The following BCAT2 variants were observed in gnomAD, a reference collection of about 807,000 sequenced individuals.
The protein encoded by BCAT2 is branched chain amino acid transaminase 2, also known as branched-chain-amino-acid aminotransferase, mitochondrial.
In BCAT2, 44 loss-of-function variants were observed where a neutral mutation model predicts 52.9. That is an observed-to-expected ratio of 0.83 (90% CI 0.65 to 1.07). The LOEUF is 1.07. BCAT2 is among the 50% of genes least tolerant of loss of function. The probability of loss-of-function intolerance (pLI) is 0.00; values close to 1 mark genes in which losing one functional copy is unlikely to be tolerated. For synonymous variants in BCAT2, 215 were observed against 217.1 expected (o/e 0.99, Z 0.08); for missense variants, 478 against 521.8 (o/e 0.92, Z 0.82).
chr19:48,795,568 G>T (rs776227143), intron 10 of BCAT2, 104 bp from the exon 11 acceptor site: 10 of 1,358,604 alleles, frequency 7.4e-6, no homozygotes, highest in South Asian at 1.2e-5. Flanking sequence ...TGCCCCAGCG[G>T]CTCACGGGAA....
chr19:48,795,579 A>G, intron 10 of BCAT2, 115 bp from the exon 11 acceptor site: 1 of 1,226,134 alleles, frequency 8.2e-7, no homozygotes, highest in Non-Finnish European at 1.2e-6. Flanking sequence ...CTCACGGGAA[A>G]TGTAGTCCAC....
chr19:48,807,666 G>A lies in BCAT2; in HGVS notation c.25-592C>T, dbSNP rs2034822060. 1.1e-6 allele frequency: 1 copy of A among 950,040 alleles called. No individual in the cohort carries two copies. Among genetic ancestry groups the A allele is most frequent in the Non-Finnish European group, 1.3e-6 (1 of 796,656 alleles). 58.9% of individuals were successfully genotyped at this position (950,040 alleles called of 1,614,324 possible). A position where few individuals can be genotyped will look rare whatever the true frequency, so the allele number is the denominator to read the frequency against. On this transcript the variant is annotated intron_variant, in intron 1 of 10. Transcript: ENST00000316273. This position sits in a 1 kb window ranked among gnomAD's most constrained non-coding sequence, Gnocchi z 4.6. ...CCCCACCCCTCCTCCCTCAGACCCA[G>A]GAGTCCAGTTCCCCAGCCCCTCCTC...
intron 1 of BCAT2, among the ~76,000 whole-genome samples, chr19:48,809,066 CAAAAAA>C (rs3057799): frequency 1.8e-3 from 53 of 28,954 alleles, no homozygotes; most frequent in African/African-American, 5.6e-3. Context: ...GAGTGTCTCT[CAAAAAA>C]AAAAAAAAAA....
chr19:48,810,323 C>T (rs2034891397), intron 1 of BCAT2, among the ~76,000 whole-genome samples: 1 of 152,098 alleles, frequency 6.6e-6, no homozygotes, highest in South Asian at 2.1e-4. Context: ...CACTGAGAAA[C>T]CTTGTTCTCT....
intron 6 of BCAT2, among the ~76,000 whole-genome samples, chr19:48,798,298 C>A (rs1599795298): frequency 6.6e-6 from 1 of 152,298 alleles, no homozygotes; most frequent in South Asian, 2.1e-4. Flanking sequence ...GTGAACTGGG[C>A]TACCTGGATG....
chr19:48,808,690 G>A (rs1433978722), intron 1 of BCAT2, among the ~76,000 whole-genome samples: 1 of 152,134 alleles, frequency 6.6e-6, no homozygotes, highest in Non-Finnish European at 1.5e-5. Context: ...AGGAGGCGGA[G>A]GTTGCAGTGA....
At position 48,795,421 on chromosome 19, in the gene BCAT2, C is replaced by T. The variant is rs1048393570; in HGVS notation, c.*5G>A. 36 of 1,613,822 alleles carry T rather than the reference C, an allele frequency of 2.2e-5. No individual in the cohort carries two copies. Among genetic ancestry groups the T allele is most frequent in the Non-Finnish European group, 2.9e-5 (34 of 1,179,996 alleles). ...GTCGGTGGATCTGGAGCACAGCCTG[C>T]AGCTTCACACCGGGAACATCCACTC... On this transcript the variant is annotated 3_prime_UTR_variant, in exon 11 of 11. Transcript: ENST00000316273.
intron 6 of BCAT2, among the ~76,000 whole-genome samples, chr19:48,798,551 C>A (rs191524653): frequency 6.6e-6 from 1 of 152,152 alleles, no homozygotes; most frequent in South Asian, 2.1e-4. Context: ...AAACAGTTTG[C>A]TGACTTTTGT....
Position 48,806,392 on chromosome 19 carries a change from ATGG to A in BCAT2, c.300+122_300+124del, listed in dbSNP as rs1413149451. 19 of 1,267,436 alleles carry A rather than the reference ATGG, an allele frequency of 1.5e-5. No homozygotes were observed. In the East Asian group the frequency reaches 4.7e-4, roughly 31 times the overall value. The allele number at this position is 1,267,436 out of a possible 1,614,324, so 78.5% of individuals were successfully genotyped here. On this transcript the variant is annotated intron_variant, in intron 3 of 10. Coordinates refer to ENST00000316273, the MANE Select transcript of BCAT2 (RefSeq NM_001190.4). ...GAGCATGGAAGGCCTCAGAAAACAA[ATGG>A]TGAATGCACAGAAAGGAGAAACACA...
chr19:48,810,701 G>A, intron 1 of BCAT2: 5 of 331,340 alleles, frequency 1.5e-5, no homozygotes, highest in South Asian at 5.7e-5. Flanking sequence ...CCACCCCCAC[G>A]CCTCCCTCAT....
Position 48,799,336 on chromosome 19 carries a change from G to A in BCAT2, c.695+339C>T, listed in dbSNP as rs909185734. ...GGGTATGGGGAGCGCAGCCCAGCCTGGGGGATCAGGGGAGGCTTCTGGGGC... is the reference window on the plus strand; with the variant it reads ...GGGTATGGGGAGCGCAGCCCAGCCTAGGGGATCAGGGGAGGCTTCTGGGGC... On this transcript the variant is annotated intron_variant, in intron 6 of 10. Coordinates refer to ENST00000316273, the MANE Select transcript of BCAT2 (RefSeq NM_001190.4). The surrounding 1 kb of genome is among the most constrained non-coding windows in gnomAD (Gnocchi z 5.5). 4 of 228,362 alleles carry A rather than the reference G, an allele frequency of 1.8e-5. No individual in the cohort carries two copies. Among genetic ancestry groups the A allele is most frequent in the African/African-American group, 4.5e-5 (2 of 44,012 alleles). 14.1% of individuals were successfully genotyped at this position (228,362 alleles called of 1,614,324 possible).
At chr19:48,804,810 T>C (rs1475228364) in intron 3 of BCAT2, among the ~76,000 whole-genome samples, 1 of 151,948 alleles carries the variant, frequency 6.6e-6, no homozygotes, top group Middle Eastern at 3.2e-3. Context: ...GAGAAGTGTG[T>C]GGTGGTCTCC....
Position 48,810,753 on chromosome 19 carries a change from T to TTA in BCAT2, c.24+230_24+231insTA, listed in dbSNP as rs1491582344. 9.5e-4 allele frequency: 932 copies of TTA among 984,608 alleles called. 10 individuals carry two copies. The African/African-American group carries it at 0.017, about 18-fold the overall frequency. The allele number at this position is 984,608 out of a possible 1,614,324, so 61.0% of individuals were successfully genotyped here. A position where few individuals can be genotyped will look rare whatever the true frequency, so the allele number is the denominator to read the frequency against. The stretch of plus-strand genomic sequence containing the variant: ...ATGTTTCCCTTTTTTTTTTTTTTTT[T>TTA]ACCTCCCCGCCAATTACTTGCCCCA... On this transcript the variant is annotated intron_variant, in intron 1 of 10. Coordinates refer to ENST00000316273, the MANE Select transcript of BCAT2 (RefSeq NM_001190.4).
At chr19:48,802,016 C>A (rs1162691152) in intron 3 of BCAT2, among the ~76,000 whole-genome samples, 1 of 151,768 alleles carries the variant, frequency 6.6e-6, no homozygotes, top group Non-Finnish European at 1.5e-5. Flanking sequence ...TGAGCTCAAG[C>A]AATCCCCCTG....
chr19:48,802,046 G>T (rs1261111437), intron 3 of BCAT2, among the ~76,000 whole-genome samples: 2 of 151,844 alleles, frequency 1.3e-5, no homozygotes, highest in East Asian at 3.9e-4. Flanking sequence ...CCCAGCCCCA[G>T]ATGAATTTTT....
At chr19:48,800,398 A>T in intron 3 of BCAT2, 101 bp from the exon 4 acceptor site, 2 of 1,078,878 alleles carry the variant, frequency 1.9e-6, no homozygotes, top group Non-Finnish European at 2.7e-6. Context: ...CAGACAACTG[A>T]AAGATGGAGG....
chr19:48,806,925 C>A, intron 2 of BCAT2, 75 bp downstream of exon 2: 1 of 1,533,024 alleles, frequency 6.5e-7, no homozygotes, highest in Middle Eastern at 1.7e-4. Context: ...GGGCTGTGGA[C>A]CTTTTGGAGA....
At chr19:48,798,045 A>G (rs1342857232) in intron 6 of BCAT2, among the ~76,000 whole-genome samples, 3 of 151,986 alleles carry the variant, frequency 2.0e-5, no homozygotes, top group Middle Eastern at 3.4e-3. Context: ...TGGGATTACA[A>G]GAGTGAGCCA....
chr19:48,800,180 C>A lies in BCAT2; in HGVS notation c.411+7G>T. The A allele has an allele frequency of 6.2e-7, 1 of 1,613,198 alleles. No homozygotes were observed. The stretch of plus-strand genomic sequence containing the variant: ...CCTCCCCACCCCGGTGGACCGGGAC[C>A]CCTCACCGGCAGGCACAGGCGCATG... On this transcript the variant is annotated splice_region_variant and intron_variant, in intron 4 of 10. Coordinates refer to ENST00000316273, the MANE Select transcript of BCAT2 (RefSeq NM_001190.4).
Sources: gnomAD v4.1 joint callset for allele counts (sites outside exome capture counted in the v4.1 genomes callset) on GRCh38, gnomAD v4.1.1 for gene constraint, Gnocchi (gnomAD v3.1) non-coding constraint, MANE v1.5 for transcripts, NCBI Gene and HGNC (gene_info 2026-07-23, HGNC 2026-07-21) for gene names.